WSCD2: variants seen among roughly 807,000 people sequenced by gnomAD.
WSCD2 encodes WSC domain sialate O sulfotransferase 2.
WSCD2 carries 28 observed loss-of-function variants against 55.7 expected under a neutral mutation model. The observed-to-expected ratio is 0.50, with a 90% CI of 0.37 to 0.69. WSCD2 has a LOEUF of 0.69. Among genes scored for constraint, WSCD2 ranks in the 30% least tolerant of loss-of-function variants. The probability of loss-of-function intolerance (pLI) is 0.00; values close to 1 mark genes in which losing one functional copy is unlikely to be tolerated. For synonymous variants in WSCD2, 301 were observed against 301.9 expected (o/e 1.00, Z 0.03); for missense variants, 616 against 762.1 (o/e 0.81, Z 2.26).
intron 1 of WSCD2, among the ~76,000 whole-genome samples, chr12:108,193,936 A>T (rs1233393474): frequency 2.0e-5 from 3 of 152,236 alleles, no homozygotes; most frequent in Non-Finnish European, 4.4e-5. Context: ...TTAAATGCCC[A>T]CACTACTGTC....
intron 8 of WSCD2, among the ~76,000 whole-genome samples, chr12:108,246,895 C>T (rs978652204): frequency 1.3e-4 from 20 of 152,130 alleles, no homozygotes; most frequent in South Asian, 4.1e-4. Flanking sequence ...CCAGAGGAGG[C>T]ACCCGCCTGA....
chr12:108,144,246 C>T (rs1877157688), intron 1 of WSCD2, among the ~76,000 whole-genome samples: 1 of 152,176 alleles, frequency 6.6e-6, no homozygotes, highest in African/African-American at 2.4e-5. Context: ...TCAAAAGACA[C>T]ACCGGCCCAT....
At chr12:108,163,529 C>T (rs983286380) in intron 1 of WSCD2, among the ~76,000 whole-genome samples, 3 of 152,208 alleles carry the variant, frequency 2.0e-5, no homozygotes, top group Non-Finnish European at 2.9e-5. Context: ...GTAAGAGGTA[C>T]TTGGCAGACG....
chr12:108,139,513 G>C (rs1444143817), intron 1 of WSCD2, among the ~76,000 whole-genome samples: 1 of 152,094 alleles, frequency 6.6e-6, no homozygotes, highest in Non-Finnish European at 1.5e-5. Context: ...GTGTAGTTTT[G>C]GAGTCACCAA....
chr12:108,219,107 TCTC>T (rs1186714303), intron 4 of WSCD2, among the ~76,000 whole-genome samples: 1 of 152,160 alleles, frequency 6.6e-6, no homozygotes, highest in African/African-American at 2.4e-5. Flanking sequence ...GGAGCCCTCT[TCTC>T]AGCCAGCTGG....
At chr12:108,136,413 C>G (rs1876219596) in intron 1 of WSCD2, among the ~76,000 whole-genome samples, 1 of 150,656 alleles carries the variant, frequency 6.6e-6, no homozygotes, top group Non-Finnish European at 1.5e-5. Flanking sequence ...GTTCCATTTT[C>G]TTTTCTAATT....
At chr12:108,164,592 A>G (rs936443138) in intron 1 of WSCD2, among the ~76,000 whole-genome samples, 1 of 152,172 alleles carries the variant, frequency 6.6e-6, no homozygotes, top group Non-Finnish European at 1.5e-5. Context: ...ACATTCTTGT[A>G]CAAATCTTGT....
chr12:108,164,633 G>A (rs535528416), intron 1 of WSCD2, among the ~76,000 whole-genome samples: 2 of 152,264 alleles, frequency 1.3e-5, no homozygotes, highest in Middle Eastern at 3.4e-3. Flanking sequence ...TCTTGTAGGT[G>A]TATACCCAGG....
chr12:108,152,106 C>T (rs764394089), intron 1 of WSCD2, among the ~76,000 whole-genome samples: 6 of 152,162 alleles, frequency 3.9e-5, no homozygotes, highest in Admixed American at 2.0e-4. Context: ...CCCCGGGAAA[C>T]GCTCAGAGGA....
At chr12:108,148,598 C>A (rs983841246) in intron 1 of WSCD2, among the ~76,000 whole-genome samples, 2 of 152,120 alleles carry the variant, frequency 1.3e-5, no homozygotes, top group Non-Finnish European at 2.9e-5. Context: ...TTCCTCTCAT[C>A]ATATGATGGA....
intron 5 of WSCD2, 54 bp from the exon 6 acceptor site, chr12:108,226,936 G>A (rs1485046443): frequency 1.3e-5 from 20 of 1,557,816 alleles, no homozygotes; most frequent in Non-Finnish European, 1.7e-5. Context: ...GGAGTCTGAA[G>A]CTGTCCAGGG....
intron 2 of WSCD2, among the ~76,000 whole-genome samples, chr12:108,201,249 C>T (rs141086727): frequency 6.6e-6 from 1 of 152,260 alleles, no homozygotes; most frequent in Non-Finnish European, 1.5e-5. Flanking sequence ...TCCTGGTTTC[C>T]AGTGTTCCCA....
At chr12:108,233,715 C>A (rs1293552481) in intron 7 of WSCD2, among the ~76,000 whole-genome samples, 1 of 152,198 alleles carries the variant, frequency 6.6e-6, no homozygotes, top group East Asian at 1.9e-4. Context: ...AAGCCCACAT[C>A]TTTATTACTC....
chr12:108,213,095 A>G (rs1395218213), intron 4 of WSCD2, among the ~76,000 whole-genome samples: 1 of 152,200 alleles, frequency 6.6e-6, no homozygotes, highest in Non-Finnish European at 1.5e-5. Context: ...CATTCATTGA[A>G]CCAAAACACT....
chr12:108,139,328 GTTC>G (rs1350696707), intron 1 of WSCD2, among the ~76,000 whole-genome samples: 1 of 152,196 alleles, frequency 6.6e-6, no homozygotes, highest in East Asian at 1.9e-4. Context: ...TCTAGGAGGT[GTTC>G]TTCTTCTTGT....
chr12:108,227,270 C>A, intron 6 of WSCD2, 106 bp downstream of exon 6: 1 of 1,354,158 alleles, frequency 7.4e-7, no homozygotes, highest in Non-Finnish European at 1.0e-6. Flanking sequence ...AAGGAGAAAA[C>A]CATGCAAGCC....
At chr12:108,183,494 G>A (rs1027989438) in intron 1 of WSCD2, among the ~76,000 whole-genome samples, 2 of 152,148 alleles carry the variant, frequency 1.3e-5, no homozygotes, top group Admixed American at 6.5e-5. Flanking sequence ...TCTGTGGTAC[G>A]ATGGTGTCCA....
intron 8 of WSCD2, among the ~76,000 whole-genome samples, chr12:108,247,773 T>C (rs1890188049): frequency 6.6e-6 from 1 of 152,192 alleles, no homozygotes; most frequent in Non-Finnish European, 1.5e-5. Flanking sequence ...CCCAGGCTGG[T>C]CTTTAACTCC....
At position 108,195,669 on chromosome 12, in the gene WSCD2, C is replaced by A; in HGVS notation, c.-164C>A. The A allele has an allele frequency of 2.0e-6, 2 of 979,030 alleles. No homozygotes were observed. The highest frequency in any genetic ancestry group is 2.9e-6 in the Non-Finnish European group (2 of 682,628). The allele number at this position is 979,030 out of a possible 1,614,324, so 60.6% of individuals were successfully genotyped here. A position where few individuals can be genotyped will look rare whatever the true frequency, so the allele number is the denominator to read the frequency against. On this transcript the variant is annotated 5_prime_UTR_variant, in exon 2 of 9. Transcript: ENST00000547525. Reference sequence around the variant, plus strand: ...CTCATGGCCTCAGCCAAGCATTGAACTTGCCCTCCCCTTCTGGCCTTGGTG... The same window carrying A: ...CTCATGGCCTCAGCCAAGCATTGAAATTGCCCTCCCCTTCTGGCCTTGGTG...
Sources: gnomAD v4.1 joint callset for allele counts (sites outside exome capture counted in the v4.1 genomes callset) on GRCh38, gnomAD v4.1.1 for gene constraint, MANE v1.5 for transcripts, NCBI Gene and HGNC (gene_info 2026-07-23, HGNC 2026-07-21) for gene names.